YIPF7: variants seen among roughly 807,000 people sequenced by gnomAD.
YIPF7 encodes Yip1 domain family member 7, also known as protein YIPF7.
A neutral mutation model predicts 27.2 loss-of-function variants in YIPF7; 35 were observed. The observed-to-expected ratio is 1.29, with a 90% CI of 0.98 to 1.70. YIPF7 has a LOEUF of 1.70. YIPF7 is among the 40% of genes most tolerant of loss of function. The pLI is 0.00. For missense variants in YIPF7, 358 were observed against 303.7 expected, an observed-to-expected ratio of 1.18 and a Z score of -1.33; for synonymous variants, 137 against 110.4, an observed-to-expected ratio of 1.24 and a Z score of -1.51.
intron 1 of YIPF7, among the ~76,000 whole-genome samples, chr4:44,651,223 G>A (rs563753218): frequency 1.1e-4 from 16 of 152,220 alleles, no homozygotes; most frequent in Admixed American, 4.6e-4. Context: ...AAAATTAGAT[G>A]CAGCGATTCA....
intron 3 of YIPF7, among the ~76,000 whole-genome samples, chr4:44,634,617 A>T (rs550111037): frequency 6.6e-6 from 1 of 152,346 alleles, no homozygotes; most frequent in South Asian, 2.1e-4. Flanking sequence ...TCATTGAAAA[A>T]ATAGTATTTT....
At position 44,645,332 on chromosome 4, in the gene YIPF7, A is replaced by T. The variant is rs533208423; in HGVS notation, c.116+4653T>A. ...TGAATGGCTATGCCAATGAGTTTTC[A>T]TATATTCTTAGAGACATCTTTCAAG... On this transcript the variant is annotated intron_variant, in intron 2 of 5. Transcript: ENST00000415895. Among the ~76,000 whole-genome samples, 4 of 152,316 alleles carry T rather than the reference A, an allele frequency of 2.6e-5. No homozygotes were observed. In the East Asian group the frequency reaches 7.7e-4, roughly 29 times the overall value.
At chr4:44,642,826 T>C (rs1005265120) in intron 2 of YIPF7, among the ~76,000 whole-genome samples, 2 of 152,130 alleles carry the variant, frequency 1.3e-5, no homozygotes, top group African/African-American at 4.8e-5. Context: ...CCCTGTGACC[T>C]CCCCAGGAGC....
rs150789716 is a variant in YIPF7 at position 44,650,505 on chromosome 4, G to GCACA, written c.-1-405_-1-404insTGTG. The stretch of plus-strand genomic sequence containing the variant: ...CAGGCGCACACACATGCGCGCGCGC[G>GCACA]CGCACACACACACACACACACACAC... On this transcript the variant is annotated intron_variant, in intron 1 of 5. Transcript: ENST00000415895. Among the ~76,000 whole-genome samples, 674 of 122,356 alleles carry GCACA rather than the reference G, an allele frequency of 5.5e-3. 6 individuals carry two copies. Among genetic ancestry groups the GCACA allele is most frequent in the African/African-American group, 0.013 (407 of 30,512 alleles). 80.3% of individuals were successfully genotyped at this position (122,356 alleles called of 152,430 possible). A position where few individuals can be genotyped will look rare whatever the true frequency, so the allele number is the denominator to read the frequency against.
intron 5 of YIPF7, among the ~76,000 whole-genome samples, 185 bp from the exon 6 acceptor site, chr4:44,622,761 A>G (rs1215047553): frequency 2.0e-5 from 3 of 152,390 alleles, no homozygotes; most frequent in East Asian, 3.9e-4. Context: ...AATTCATTAC[A>G]GAGACTAAAT....
Position 44,629,429 on chromosome 4 carries a change from C to T in YIPF7, c.400G>A (p.Val134Ile), listed in dbSNP as rs756958898. The stretch of plus-strand genomic sequence containing the variant: ...AGAAGCAAGGTGGCTCCCAGGGCTA[C>T]GCAAAAAAGAATGGGTCCAGTGAGG... Reference protein sequence around the residue: ...TDLTGPILFCVALGATLLLAG... With the variant: ...TDLTGPILFCIALGATLLLAG... Residue 134 changes from valine (V) to isoleucine (I), a missense_variant, in exon 4 of 6, where the codon GTA becomes ATA. Coordinates refer to ENST00000415895, the MANE Select transcript of YIPF7 (RefSeq NM_182592.3). The T allele has an allele frequency of 8.1e-6, 13 of 1,597,180 alleles. No homozygotes were observed. Among genetic ancestry groups the T allele is most frequent in the East Asian group, 4.5e-5 (2 of 44,060 alleles).
At chr4:44,640,090 G>C (rs779555797) in intron 2 of YIPF7, among the ~76,000 whole-genome samples, 15 of 152,028 alleles carry the variant, frequency 9.9e-5, no homozygotes, top group Non-Finnish European at 1.8e-4. Flanking sequence ...CATTTGGTTT[G>C]CTAGTATTTT....
chr4:44,625,944 T>C (rs533547391), intron 4 of YIPF7, among the ~76,000 whole-genome samples: 1 of 152,342 alleles, frequency 6.6e-6, no homozygotes, highest in South Asian at 2.1e-4. Flanking sequence ...AAGGATCTGA[T>C]AAATTGATTC....
chr4:44,628,401 A>G (rs1712747599), intron 4 of YIPF7, among the ~76,000 whole-genome samples: 1 of 152,158 alleles, frequency 6.6e-6, no homozygotes, highest in African/African-American at 2.4e-5. Flanking sequence ...ACTTTTGAAA[A>G]TTGTATATCC....
At chr4:44,661,865 A>G (rs1714048567) in intron 1 of YIPF7, among the ~76,000 whole-genome samples, 1 of 152,228 alleles carries the variant, frequency 6.6e-6, no homozygotes, top group South Asian at 2.1e-4. Flanking sequence ...GTCTTTAATT[A>G]CCAAGTTAAT....
At chr4:44,632,945 G>A (rs1712966462) in intron 3 of YIPF7, among the ~76,000 whole-genome samples, 1 of 152,154 alleles carries the variant, frequency 6.6e-6, no homozygotes, top group Non-Finnish European at 1.5e-5. Context: ...GAACCGGGCC[G>A]CACAGCAGGA....
At chr4:44,626,589 T>C (rs988204559) in intron 4 of YIPF7, among the ~76,000 whole-genome samples, 2 of 152,122 alleles carry the variant, frequency 1.3e-5, no homozygotes, top group African/African-American at 4.8e-5. Flanking sequence ...CATGTCTTTC[T>C]CTTGTTAGTT....
At chr4:44,661,092 T>C (rs1203801208) in intron 1 of YIPF7, among the ~76,000 whole-genome samples, 2 of 152,170 alleles carry the variant, frequency 1.3e-5, no homozygotes, top group Non-Finnish European at 2.9e-5. Flanking sequence ...GGCCAGGACT[T>C]GCTTGATTTG....
At chr4:44,649,608 T>C (rs963244361) in intron 2 of YIPF7, among the ~76,000 whole-genome samples, 3 of 139,232 alleles carry the variant, frequency 2.2e-5, no homozygotes, top group African/African-American at 8.2e-5. Flanking sequence ...TCGTCTCTAC[T>C]AAACATTAAA....
At chr4:44,639,726 T>C (rs1233148516) in intron 2 of YIPF7, among the ~76,000 whole-genome samples, 4 of 152,164 alleles carry the variant, frequency 2.6e-5, no homozygotes, top group Non-Finnish European at 5.9e-5. Context: ...CACTACTATG[T>C]TGAACAGGAA....
chr4:44,629,230 G>A (rs914594066), intron 4 of YIPF7, 173 bp downstream of exon 4: 12 of 665,218 alleles, frequency 1.8e-5, no homozygotes, highest in Non-Finnish European at 2.4e-5. Context: ...CTTTTTAGCT[G>A]TTGCAATGCA....
Position 44,622,549 on chromosome 4 carries a change from C to T in YIPF7, c.636G>A (p.Leu212=). 2 of 1,613,642 alleles carry T rather than the reference C, an allele frequency of 1.2e-6. No individual in the cohort carries two copies. Among genetic ancestry groups the T allele is most frequent in the African/African-American group, 1.3e-5 (1 of 75,016 alleles). ...LQGIFGIMSS[L]VIIGWCSLSA... Reference sequence around the variant, plus strand: ...AGAGACTACACCAGCCAATGATGACCAGGGATGACATGATTCCAAAGATGC... The same window carrying T: ...AGAGACTACACCAGCCAATGATGACTAGGGATGACATGATTCCAAAGATGC... Residue 212 remains leucine (L), a synonymous_variant, in exon 6 of 6, where the codon CTG becomes CTA. Transcript: ENST00000415895.
chr4:44,650,501 G>GCA (rs1222180990), intron 1 of YIPF7, among the ~76,000 whole-genome samples: 15 of 63,564 alleles, frequency 2.4e-4, no homozygotes, highest in Non-Finnish European at 3.5e-4. Context: ...ACATGCGCGC[G>GCA]CGCGCGCACA....
intron 2 of YIPF7, among the ~76,000 whole-genome samples, chr4:44,658,412 C>A (rs1713957865): frequency 6.6e-6 from 1 of 152,140 alleles, no homozygotes; most frequent in South Asian, 2.1e-4. Context: ...TGTTGACAAG[C>A]CACCCTGTCT....
Sources: gnomAD v4.1 joint callset for allele counts (sites outside exome capture counted in the v4.1 genomes callset) on GRCh38, gnomAD v4.1.1 for gene constraint, MANE v1.5 for transcripts, NCBI Gene and HGNC (gene_info 2026-07-23, HGNC 2026-07-21) for gene names.